SLC35D2: variants seen among roughly 807,000 people sequenced by gnomAD.
The protein encoded by SLC35D2 is solute carrier family 35 member D2, also known as nucleotide sugar transporter SLC35D2.
SLC35D2 carries 43 observed loss-of-function variants against 41.8 expected under a neutral mutation model. The observed-to-expected ratio is 1.03, with a 90% CI of 0.81 to 1.33. The LOEUF is 1.33. Among genes scored for constraint, SLC35D2 ranks in the 40% most tolerant of loss-of-function variants. The probability of loss-of-function intolerance (pLI) is 0.00; values close to 1 mark genes in which losing one functional copy is unlikely to be tolerated. For missense variants in SLC35D2, 380 were observed against 408.4 expected, an observed-to-expected ratio of 0.93 and a Z score of 0.60; for synonymous variants, 150 against 163.9, an observed-to-expected ratio of 0.92 and a Z score of 0.65.
intron 9 of SLC35D2, among the ~76,000 whole-genome samples, chr9:96,334,847 C>T (rs1463680351): frequency 1.3e-4 from 20 of 152,006 alleles, no homozygotes; most frequent in Admixed American, 1.2e-3. Context: ...ACAAGGATCA[C>T]CAGTGAGAGT....
rs115035427 is a variant in SLC35D2 at position 96,323,467 on chromosome 9, G to A, written c.831+624C>T. Among the ~76,000 whole-genome samples, 804 of 151,990 alleles carry A rather than the reference G, an allele frequency of 5.3e-3. 8 individuals carry two copies. The highest frequency in any genetic ancestry group is 0.018 in the African/African-American group (740 of 41,416). ...CAGAAAACCAAATTATGGATCACAA[G>A]GTATCTTGCTAATCATTGATACCTG... On this transcript the variant is annotated intron_variant, in intron 10 of 11. Coordinates refer to ENST00000253270, the MANE Select transcript of SLC35D2 (RefSeq NM_007001.3).
At chr9:96,330,314 T>TAC (rs1206334828) in intron 9 of SLC35D2, among the ~76,000 whole-genome samples, 5 of 152,290 alleles carry the variant, frequency 3.3e-5, no homozygotes, top group Middle Eastern at 3.4e-3. Context: ...CCCACACATA[T>TAC]ACACACACAC....
At chr9:96,366,124 G>A (rs977139559) in intron 2 of SLC35D2, among the ~76,000 whole-genome samples, 1 of 151,946 alleles carries the variant, frequency 6.6e-6, no homozygotes, top group African/African-American at 2.4e-5. Flanking sequence ...GCATCATGGC[G>A]AAACCCTATC....
Position 96,321,336 on chromosome 9 carries a change from G to A in SLC35D2, c.920C>T (p.Ala307Val), listed in dbSNP as rs1828214113. ...TAAAAAGGAATATCTCAAGCCCCCT[G>A]CCATGCTGAAAGGAGAAAAAAAAGT... is the stretch of plus-strand genomic sequence containing the variant. ...LNFVGLNICMAGGLRYSFLTL... is the reference protein window; with the variant it reads ...LNFVGLNICMVGGLRYSFLTL... The change falls in exon 12 of 12, where the codon GCA (alanine) becomes GTA (valine). Residue 307 changes from alanine to valine, a missense_variant. Physicochemically the swap from Ala to Val is moderately conservative, Grantham distance 64. Coordinates refer to ENST00000253270, the MANE Select transcript of SLC35D2 (RefSeq NM_007001.3). The A allele has an allele frequency of 6.2e-7, 1 of 1,612,404 alleles. No homozygotes were observed. Among genetic ancestry groups the A allele is most frequent in the African/African-American group, 1.3e-5 (1 of 74,860 alleles).
chr9:96,383,442 T>C, intron 1 of SLC35D2, 35 bp downstream of exon 1: 1 of 1,381,286 alleles, frequency 7.2e-7, no homozygotes, highest in Admixed American at 2.2e-5. Context: ...AGCCCCGCAC[T>C]CCCGCAGACC....
At chr9:96,372,894 C>T (rs370355826) in intron 1 of SLC35D2, among the ~76,000 whole-genome samples, 137 of 147,534 alleles carry the variant, frequency 9.3e-4, no homozygotes, top group African/African-American at 3.1e-3. Flanking sequence ...GTTTTTTGTT[C>T]TTTTGTTTTT....
intron 8 of SLC35D2, among the ~76,000 whole-genome samples, chr9:96,341,905 C>T (rs765599606): frequency 3.4e-5 from 5 of 148,514 alleles, no homozygotes; most frequent in Non-Finnish European, 5.9e-5. Flanking sequence ...GATGTTTTAA[C>T]AATATTTAGG....
At chr9:96,321,398 C>T in intron 11 of SLC35D2, 57 bp from the exon 12 acceptor site, 1 of 1,277,922 alleles carries the variant, frequency 7.8e-7, no homozygotes, top group South Asian at 1.2e-5. Flanking sequence ...GGGGCTCCAG[C>T]AGCAGTTGCT....
Position 96,336,705 on chromosome 9 carries a change from A to G in SLC35D2, c.752+12T>C. 6.6e-7 allele frequency: 1 copy of G among 1,511,688 alleles called. No homozygotes were observed. 93.6% of individuals were successfully genotyped at this position (1,511,688 alleles called of 1,614,324 possible). On this transcript the variant is annotated intron_variant, in intron 9 of 11. Transcript: ENST00000253270. Reference sequence around the variant, plus strand: ...TGTTGACCAATGCTTCTACTTATCTATGGTTTCTTACCCCAAAAAACAGGA... The same window carrying G: ...TGTTGACCAATGCTTCTACTTATCTGTGGTTTCTTACCCCAAAAAACAGGA...
intron 9 of SLC35D2, among the ~76,000 whole-genome samples, chr9:96,326,886 A>T (rs1219774387): frequency 1.3e-5 from 2 of 152,122 alleles, no homozygotes; most frequent in Admixed American, 1.3e-4. Context: ...GATTCCCAGG[A>T]GCTATAAATA....
At chr9:96,367,832 T>C (rs1351528237) in intron 2 of SLC35D2, among the ~76,000 whole-genome samples, 1 of 151,984 alleles carries the variant, frequency 6.6e-6, no homozygotes, top group Non-Finnish European at 1.5e-5. Context: ...CTGATGCTAA[T>C]AATAAGGGCA....
chr9:96,320,236 G>A (rs892791656), downstream of SLC35D2, among the ~76,000 whole-genome samples: 9 of 152,174 alleles, frequency 5.9e-5, no homozygotes, highest in African/African-American at 1.9e-4. Flanking sequence ...AGGATTGGCC[G>A]GGTTCGGTGG....
At chr9:96,373,569 C>A (rs1417074090) in intron 1 of SLC35D2, among the ~76,000 whole-genome samples, 1 of 151,828 alleles carries the variant, frequency 6.6e-6, no homozygotes, top group Non-Finnish European at 1.5e-5. Context: ...TGCCTATAAT[C>A]CCAGCTACTC....
chr9:96,366,323 G>A (rs1219844254), intron 2 of SLC35D2, among the ~76,000 whole-genome samples: 3 of 147,352 alleles, frequency 2.0e-5, no homozygotes, highest in African/African-American at 2.5e-5. Flanking sequence ...AAGGAAGGAA[G>A]GAAGAAAATA....
chr9:96,360,799 T>G (rs1011240774), intron 3 of SLC35D2, among the ~76,000 whole-genome samples: 2 of 151,852 alleles, frequency 1.3e-5, no homozygotes, highest in East Asian at 3.9e-4. Context: ...TGGAGTGCAA[T>G]GGTGTGATCT....
downstream of SLC35D2, among the ~76,000 whole-genome samples, chr9:96,320,393 G>A (rs1346063186): frequency 4.6e-5 from 7 of 152,116 alleles, no homozygotes; most frequent in Non-Finnish European, 1.0e-4. Flanking sequence ...GCAGATGCCT[G>A]TAATCCCAGC....
intron 10 of SLC35D2, among the ~76,000 whole-genome samples, chr9:96,322,361 A>T (rs1828277458): frequency 6.6e-6 from 1 of 152,044 alleles, no homozygotes; most frequent in Non-Finnish European, 1.5e-5. Flanking sequence ...TCTACAAAAA[A>T]TTTTTTAAAA....
At chr9:96,325,036 C>G (rs1252985817) in intron 9 of SLC35D2, among the ~76,000 whole-genome samples, 1 of 152,146 alleles carries the variant, frequency 6.6e-6, no homozygotes, top group African/African-American at 2.4e-5. Context: ...CTGCCTTGGA[C>G]GGAGGAGATT....
chr9:96,362,536 A>T (rs1437034390), intron 3 of SLC35D2, among the ~76,000 whole-genome samples: 1 of 151,982 alleles, frequency 6.6e-6, no homozygotes, highest in Non-Finnish European at 1.5e-5. Flanking sequence ...GAATTTAGGG[A>T]TGCATCCAGA....
Sources: allele counts gnomAD v4.1 joint callset (sites outside exome capture counted in the v4.1 genomes callset), GRCh38; gene constraint gnomAD v4.1.1; transcripts MANE v1.5; gene names NCBI Gene and HGNC (gene_info 2026-07-23, HGNC 2026-07-21).